STARD9: variants seen among roughly 807,000 people sequenced by gnomAD.
STARD9 encodes the protein stAR-related lipid transfer protein 9.
In STARD9, 346 loss-of-function variants were observed where a neutral mutation model predicts 399.8. That is an observed-to-expected ratio of 0.87 (90% CI 0.79 to 0.95). The LOEUF is 0.95. Ranked by LOEUF, STARD9 falls within the 40% of genes least tolerant of loss-of-function variation. The pLI is 0.00. For synonymous variants in STARD9, 2,203 were observed against 2,143.5 expected, an observed-to-expected ratio of 1.03 and a Z score of -0.77; for missense variants, 5,832 against 5,667.5, an observed-to-expected ratio of 1.03 and a Z score of -0.93.
At position 42,692,088 on chromosome 15, in the gene STARD9, A is replaced by T; in HGVS notation, c.10510A>T (p.Thr3504Ser). 2.0e-6 allele frequency: 3 copies of T among 1,537,218 alleles called. No individual in the cohort carries two copies. The highest frequency in any genetic ancestry group is 2.6e-6 in the Non-Finnish European group (3 of 1,146,906). Residue 3504 changes from threonine to serine, a missense_variant, in exon 23 of 33, where the codon ACA becomes TCA. Transcript: ENST00000290607. The part of the protein sequence containing the change: ...VSCSQKPQGL[T>S]LSNVARCSSM... The stretch of plus-strand genomic sequence containing the variant: ...CTGCAGCCAGAAGCCCCAGGGGCTG[A>T]CACTATCAAATGTGGCCCGGTGCTC...
chr15:42,635,039 C>T, intron 4 of STARD9, 67 bp downstream of exon 4: 1 of 758,814 alleles, frequency 1.3e-6, no homozygotes, highest in Middle Eastern at 2.4e-4. Flanking sequence ...GTCCTTACTA[C>T]TGTGAGACAG....
chr15:42,582,869 G>C (rs998484980), intron 1 of STARD9, among the ~76,000 whole-genome samples: 1 of 152,126 alleles, frequency 6.6e-6, no homozygotes, highest in East Asian at 1.9e-4. Flanking sequence ...ACTCTCTAGG[G>C]TTTCTAAGCC....
chr15:42,639,710 A>G (rs988873122), intron 7 of STARD9, among the ~76,000 whole-genome samples: 4 of 152,064 alleles, frequency 2.6e-5, no homozygotes, highest in Non-Finnish European at 4.4e-5. Context: ...TAAAAATACA[A>G]AAGATTAGCT....
rs188976332 is a variant in STARD9, at chr15:42,713,218, C to G, written c.13285-3459C>G. On this transcript the variant is annotated intron_variant, in intron 26 of 32. Coordinates refer to ENST00000290607, the MANE Select transcript of STARD9 (RefSeq NM_020759.3). ...ACAGTATTATAAATGGAATTGTTTT[C>G]ACTTCATTTTCAGTTTCTTCATTGC... Among the ~76,000 whole-genome samples, 199 of 152,294 alleles carry G rather than the reference C, an allele frequency of 1.3e-3. 1 individual carries two copies. The highest frequency in any genetic ancestry group is 4.5e-3 in the African/African-American group (188 of 41,564).
At position 42,652,602 on chromosome 15, in the gene STARD9, T is replaced by G. The variant is rs1441396954; in HGVS notation, c.702+10T>G. 1 of 1,536,212 alleles carries G rather than the reference T, an allele frequency of 6.5e-7. No individual in the cohort carries two copies. The highest frequency in any genetic ancestry group is 8.7e-7 in the Non-Finnish European group (1 of 1,145,850). On this transcript the variant is annotated intron_variant, in intron 9 of 32. Transcript: ENST00000290607. Reference sequence around the variant, plus strand: ...GATCCACTACACGCAGGTTGGTAACTCCTTATGTTTGGTGAGATTTCTTCC... The same window carrying G: ...GATCCACTACACGCAGGTTGGTAACGCCTTATGTTTGGTGAGATTTCTTCC...
chr15:42,717,701 C>T (rs2061375450), intron 28 of STARD9, 30 bp from the exon 29 acceptor site: 1 of 1,534,924 alleles, frequency 6.5e-7, no homozygotes, highest in Non-Finnish European at 8.7e-7. Flanking sequence ...ACTGTGCCTC[C>T]TAATTTGGGT....
In STARD9 at chr15:42,699,392, C is replaced by CTTTTTTTTTTTTTTTTTTTTTTTTT. The variant is rs34614271; in HGVS notation, c.13284+3532_13284+3533insTTTTTTTTTTTTTTTTTTTTTTTTT. Among the ~76,000 whole-genome samples the CTTTTTTTTTTTTTTTTTTTTTTTTT allele has an allele frequency of 1.2e-4, 14 of 113,294 alleles. 2 individuals carry two copies. Among genetic ancestry groups the CTTTTTTTTTTTTTTTTTTTTTTTTT allele is most frequent in the African/African-American group, 4.5e-4 (11 of 24,554 alleles). The allele number at this position is 113,294 out of a possible 152,430, so 74.3% of individuals were successfully genotyped here. On this transcript the variant is annotated intron_variant, in intron 26 of 32. Coordinates refer to ENST00000290607, the MANE Select transcript of STARD9 (RefSeq NM_020759.3). ...TCTATGAGATCAACTTTTTTCTTTT[C>CTTTTTTTTTTTTTTTTTTTTTTTTT]TTTTTTTTTTTTTTTTTTTTGAGAT...
chr15:42,626,803 C>T (rs891806701), intron 3 of STARD9, among the ~76,000 whole-genome samples: 17 of 151,644 alleles, frequency 1.1e-4, no homozygotes, highest in African/African-American at 1.7e-4. Flanking sequence ...TGAGCCACCG[C>T]GCCTGGCCAT....
intron 26 of STARD9, among the ~76,000 whole-genome samples, chr15:42,700,435 A>G (rs2060941477): frequency 6.6e-6 from 1 of 152,150 alleles, no homozygotes; most frequent in Admixed American, 6.5e-5. Context: ...CATCCTTACC[A>G]GCATTTGTTG....
chr15:42,634,670 C>T (rs774841584), intron 3 of STARD9, among the ~76,000 whole-genome samples, 186 bp from the exon 4 acceptor site: 6 of 152,058 alleles, frequency 3.9e-5, no homozygotes, highest in African/African-American at 1.2e-4. Context: ...AAAATTTGAC[C>T]GGCTGAATGA....
In STARD9 at chr15:42,674,997, A is replaced by G. The variant is rs779162611; in HGVS notation, c.1687+33A>G. Reference sequence around the variant, plus strand: ...TGTCTGTAGCCCTGTTTATCCCAAGATGAGTGATGGACCAGCTCCAGTTTC... The same window carrying G: ...TGTCTGTAGCCCTGTTTATCCCAAGGTGAGTGATGGACCAGCTCCAGTTTC... On this transcript the variant is annotated intron_variant, in intron 18 of 32. Coordinates refer to ENST00000290607, the MANE Select transcript of STARD9 (RefSeq NM_020759.3). The G allele has an allele frequency of 6.7e-6, 10 of 1,486,828 alleles. No individual in the cohort carries two copies. The South Asian group carries it at 1.3e-4, about 20-fold the overall frequency. 92.1% of individuals were successfully genotyped at this position (1,486,828 alleles called of 1,614,324 possible).
At chr15:42,586,370 T>A (rs1164399987) in intron 3 of STARD9, among the ~76,000 whole-genome samples, 3 of 152,194 alleles carry the variant, frequency 2.0e-5, no homozygotes, top group Admixed American at 6.5e-5. Context: ...GCTGAGCCTG[T>A]TGGTCACCCG....
chr15:42,632,118 G>A (rs192111596), intron 3 of STARD9, among the ~76,000 whole-genome samples: 26 of 152,202 alleles, frequency 1.7e-4, no homozygotes, highest in Middle Eastern at 3.4e-3. Context: ...ATATCTGGGT[G>A]ATCCAGTGTT....
At chr15:42,665,377 T>C in intron 14 of STARD9, 47 bp downstream of exon 14, 1 of 1,453,924 alleles carries the variant, frequency 6.9e-7, no homozygotes, top group South Asian at 1.2e-5. Flanking sequence ...AAATTCTCCT[T>C]CTGAGCCTCT....
At position 42,575,637 on chromosome 15, in the gene STARD9, G is replaced by A. The variant is rs181218942; in HGVS notation, c.-79G>A. 438 of 1,473,646 alleles carry A rather than the reference G, an allele frequency of 3.0e-4. 3 individuals carry two copies. The African/African-American group carries it at 5.2e-3, about 18-fold the overall frequency. 91.3% of individuals were successfully genotyped at this position (1,473,646 alleles called of 1,614,324 possible). ...GCGTGGGGCGGGCGGGGCTGGGTTG[G>A]GGCTGTGTCTGGGCTTAGGGCGGGG... On this transcript the variant is annotated 5_prime_UTR_variant, in exon 1 of 33. Coordinates refer to ENST00000290607, the MANE Select transcript of STARD9 (RefSeq NM_020759.3).
intron 16 of STARD9, among the ~76,000 whole-genome samples, 170 bp from the exon 17 acceptor site, chr15:42,674,270 A>G (rs879525913): frequency 1.3e-5 from 2 of 152,192 alleles, no homozygotes; most frequent in African/African-American, 4.8e-5. Context: ...GCAGAGGGTC[A>G]GAACAGCCGG....
At chr15:42,624,242 T>C (rs2059151852) in intron 3 of STARD9, among the ~76,000 whole-genome samples, 2 of 152,184 alleles carry the variant, frequency 1.3e-5, no homozygotes, top group African/African-American at 4.8e-5. Flanking sequence ...CCATGCTATA[T>C]ACATTGGGAA....
chr15:42,701,900 A>C (rs1483587865), intron 26 of STARD9, among the ~76,000 whole-genome samples: 1 of 146,960 alleles, frequency 6.8e-6, no homozygotes, highest in Non-Finnish European at 1.5e-5. Context: ...AGGCTGAGGC[A>C]GGAGAATTGC....
At chr15:42,589,649 T>C (rs2058355773) in intron 3 of STARD9, among the ~76,000 whole-genome samples, 1 of 151,820 alleles carries the variant, frequency 6.6e-6, no homozygotes, top group Non-Finnish European at 1.5e-5. Flanking sequence ...TCTTGTTGCC[T>C]AGGCTGGAGC....
Sources: allele counts gnomAD v4.1 joint callset (sites outside exome capture counted in the v4.1 genomes callset), GRCh38; gene constraint gnomAD v4.1.1; transcripts MANE v1.5; gene names NCBI Gene and HGNC (gene_info 2026-07-23, HGNC 2026-07-21).